MYO10: variants seen among roughly 807,000 people sequenced by gnomAD.
The protein encoded by MYO10 is myosin X, also known as unconventional myosin-X.
MYO10 carries 133 observed loss-of-function variants against 257.3 expected under a neutral mutation model. The ratio of observed to expected loss-of-function variants is 0.52; its 90% CI spans 0.45 to 0.60. The LOEUF is 0.60. Among genes scored for constraint, MYO10 ranks in the 20% least tolerant of loss-of-function variants. MYO10 has a pLI of 0.00. For missense variants in MYO10, 2,399 were observed against 2,635.7 expected (o/e 0.91, Z 1.97); for synonymous variants, 1,104 against 1,028.6 (o/e 1.07, Z -1.40).
intron 19 of MYO10, among the ~76,000 whole-genome samples, chr5:16,748,080 T>G (rs1329769518): frequency 6.6e-6 from 1 of 152,086 alleles, no homozygotes; most frequent in Admixed American, 6.6e-5. Flanking sequence ...TGTCTTTGTT[T>G]TTTTCTTTGA....
chr5:16,829,593 C>T (rs1580049557), intron 2 of MYO10, among the ~76,000 whole-genome samples: 2 of 152,148 alleles, frequency 1.3e-5, no homozygotes, highest in South Asian at 4.1e-4. Context: ...AGTCACTGAG[C>T]GGTAAATACT....
intron 18 of MYO10, among the ~76,000 whole-genome samples, chr5:16,757,184 G>T (rs964137955): frequency 2.0e-5 from 3 of 149,124 alleles, no homozygotes; most frequent in African/African-American, 7.4e-5. Flanking sequence ...CAGCTACTCA[G>T]GAGGCTGAGG....
intron 19 of MYO10, chr5:16,741,899 A>AT: frequency 1.0e-6 from 1 of 985,346 alleles, no homozygotes; most frequent in Non-Finnish European, 1.2e-6. Flanking sequence ...AGACACAAAA[A>AT]TGGGCTTTCT....
intron 19 of MYO10, among the ~76,000 whole-genome samples, chr5:16,747,874 G>A (rs995517528): frequency 7.6e-5 from 10 of 132,322 alleles, no homozygotes; most frequent in Non-Finnish European, 1.4e-4. Context: ...AGCCGAGATC[G>A]TGCCACTGCA....
intron 9 of MYO10, among the ~76,000 whole-genome samples, chr5:16,771,288 A>G (rs1741040146): frequency 6.6e-6 from 1 of 152,162 alleles, no homozygotes; most frequent in Non-Finnish European, 1.5e-5. Context: ...AAATTTCAGA[A>G]TGACAAAGAT....
At chr5:16,793,846 A>G (rs1273971941) in intron 4 of MYO10, among the ~76,000 whole-genome samples, 1 of 151,176 alleles carries the variant, frequency 6.6e-6, no homozygotes, top group Non-Finnish European at 1.5e-5. Flanking sequence ...CAGGAGAATC[A>G]CTTGAACCCA....
At position 16,681,292 on chromosome 5, in the gene MYO10, G is replaced by C. The variant is rs763073505; in HGVS notation, c.4384+17C>G. ...TTAAGATTTGATGCTCAGGGTTCGGGCAGCCAGCCTGGTTACCTGTCTCTT... is the reference window on the plus strand; with the variant it reads ...TTAAGATTTGATGCTCAGGGTTCGGCCAGCCAGCCTGGTTACCTGTCTCTT... On this transcript the variant is annotated intron_variant, in intron 32 of 40. Transcript: ENST00000513610. 1 of 1,598,584 alleles carries C rather than the reference G, an allele frequency of 6.3e-7. No homozygotes were observed. Among genetic ancestry groups the C allele is most frequent in the South Asian group, 1.1e-5 (1 of 88,150 alleles).
At chr5:16,803,192 G>A (rs1303014655) in intron 3 of MYO10, among the ~76,000 whole-genome samples, 1 of 152,122 alleles carries the variant, frequency 6.6e-6, no homozygotes, top group Non-Finnish European at 1.5e-5. Flanking sequence ...TTGGGAGGCC[G>A]AGGCGGGAGG....
At position 16,839,800 on chromosome 5, in the gene MYO10, C is replaced by T. The variant is rs999336944; in HGVS notation, c.121-21633G>A. On this transcript the variant is annotated intron_variant, in intron 2 of 40. Transcript: ENST00000513610. Reference sequence around the variant, plus strand: ...TTTGTGTGAGATGATTTTGCCAAACCGTAGGCTAATGTAAGTGTTCTGAGG... The same window carrying T: ...TTTGTGTGAGATGATTTTGCCAAACTGTAGGCTAATGTAAGTGTTCTGAGG... Among the ~76,000 whole-genome samples, 18 of 147,984 alleles carry T rather than the reference C, an allele frequency of 1.2e-4. No individual in the cohort carries two copies. In the Middle Eastern group the frequency reaches 0.01, roughly 86 times the overall value.
chr5:16,723,007 G>A (rs1308943453), intron 19 of MYO10, among the ~76,000 whole-genome samples: 3 of 152,092 alleles, frequency 2.0e-5, no homozygotes. Context: ...ATAAGCAAAA[G>A]ATCTGAAGAG....
At chr5:16,736,077 A>G (rs1739784704) in intron 19 of MYO10, among the ~76,000 whole-genome samples, 1 of 152,214 alleles carries the variant, frequency 6.6e-6, no homozygotes, top group Non-Finnish European at 1.5e-5. Flanking sequence ...CGACCAGGAC[A>G]AAGAACAAAA....
intron 3 of MYO10, chr5:16,815,252 G>C: frequency 2.0e-6 from 1 of 511,522 alleles, no homozygotes; most frequent in Non-Finnish European, 3.4e-6. Flanking sequence ...GAAATGCCTG[G>C]GACACAAAGT....
intron 19 of MYO10, among the ~76,000 whole-genome samples, chr5:16,725,340 T>G (rs252077): frequency 6.6e-6 from 1 of 151,708 alleles, no homozygotes; most frequent in African/African-American, 2.4e-5. Context: ...GTGATCTGCC[T>G]GCCTCGCCCT....
rs190904585 is a variant in MYO10, at chr5:16,865,765, C to T, written c.120+11844G>A. Among the ~76,000 whole-genome samples the T allele has an allele frequency of 9.4e-4, 143 of 151,416 alleles. 1 individual carries two copies. The highest frequency in any genetic ancestry group is 3.3e-3 in the African/African-American group (134 of 41,208). ...GGTGGAGGTTGCAGTGAGCCAAGAT[C>T]GCACCACTACACTCTAGCCTGGGTG... On this transcript the variant is annotated intron_variant, in intron 2 of 40. Coordinates refer to ENST00000513610, the MANE Select transcript of MYO10 (RefSeq NM_012334.3).
At chr5:16,882,785 C>T (rs865924239) in intron 1 of MYO10, among the ~76,000 whole-genome samples, 1 of 152,252 alleles carries the variant, frequency 6.6e-6, no homozygotes, top group East Asian at 1.9e-4. Context: ...AGGTGGAAAT[C>T]TGTCCTAACA....
At chr5:16,886,803 G>A (rs972194994) in intron 1 of MYO10, among the ~76,000 whole-genome samples, 3 of 151,854 alleles carry the variant, frequency 2.0e-5, no homozygotes, top group Non-Finnish European at 4.4e-5. Flanking sequence ...GTGGTGGCAC[G>A]GGCTTGTAAT....
chr5:16,702,839 T>C, intron 23 of MYO10, 86 bp downstream of exon 23: 9 of 1,258,352 alleles, frequency 7.2e-6, no homozygotes, highest in Non-Finnish European at 9.9e-6. Context: ...GGGCATCTGC[T>C]GGGATTTCTG....
At chr5:16,831,558 A>C (rs541981187) in intron 2 of MYO10, among the ~76,000 whole-genome samples, 3 of 151,294 alleles carry the variant, frequency 2.0e-5, no homozygotes, top group African/African-American at 7.2e-5. Flanking sequence ...GGAATGAATT[A>C]ATGGTATTCA....
chr5:16,899,134 CAA>C (rs60168960), intron 1 of MYO10, among the ~76,000 whole-genome samples: 31,851 of 102,348 alleles, frequency 0.31, 4,025 homozygotes, highest in Admixed American at 0.43. Context: ...GACTCTGTCT[CAA>C]AAAAAAAAAA....
Sources: allele counts gnomAD v4.1 joint callset (sites outside exome capture counted in the v4.1 genomes callset), GRCh38; gene constraint gnomAD v4.1.1; transcripts MANE v1.5; gene names NCBI Gene and HGNC (gene_info 2026-07-23, HGNC 2026-07-21).